The following DDX39B variants were observed in gnomAD, a reference collection of about 807,000 sequenced individuals.
DDX39B encodes the protein DExD-box helicase 39B.
A neutral mutation model predicts 46.4 loss-of-function variants in DDX39B; 6 were observed. The ratio of observed to expected loss-of-function variants is 0.13; its 90% CI spans 0.07 to 0.26. The LOEUF (loss-of-function observed/expected upper bound fraction) is 0.26. Among genes scored for constraint, DDX39B ranks in the 10% least tolerant of loss-of-function variants. DDX39B has a pLI of 1.00. For missense variants in DDX39B, 185 were observed against 553.4 expected, an observed-to-expected ratio of 0.33 and a Z score of 6.68; for synonymous variants, 174 against 199.4, an observed-to-expected ratio of 0.87 and a Z score of 1.07.
intron 6 of DDX39B, 44 bp from the exon 7 acceptor site, chr6:31,532,955 G>T (rs778246801): frequency 1.2e-5 from 4 of 320,612 alleles, no homozygotes; most frequent in Admixed American, 4.3e-5. Context: ...AGGGCAGAGT[G>T]GGGGGGTTAA....
In DDX39B at chr6:31,531,189, C is replaced by T. The variant is rs777307555; in HGVS notation, c.986G>A (p.Arg329Gln). The T allele has an allele frequency of 1.2e-6, 2 of 1,614,176 alleles. No individual in the cohort carries two copies. Among genetic ancestry groups the T allele is most frequent in the Admixed American group, 1.7e-5 (1 of 60,018 alleles). The change falls in exon 9 of 11, where the codon CGG becomes CAG. Residue 329 changes from arginine (R) to glutamine (Q), a missense_variant. Physicochemically the swap from Arg to Gln is conservative, Grantham distance 43. This residue lies in a region of DDX39B where 110 missense variants were observed against 282.2 expected (regional missense o/e 0.39). Coordinates refer to ENST00000396172, the MANE Select transcript of DDX39B (RefSeq NM_004640.7). This position sits in a 1 kb window ranked among gnomAD's most constrained non-coding sequence, Gnocchi z 5.8. ...TTGAAAATCTTTAAACTGCTGATAC[C>T]GAGAAAGCCTTTGTGAGAAAGGAAA... ...RGMPQEERLS[R>Q]YQQFKDFQRR...
In DDX39B at chr6:31,531,577, C is replaced by T. The variant is rs3130056; in HGVS notation, c.868-172G>A. 547,406 of 650,166 alleles carry T rather than the reference C, an allele frequency of 0.84. 231,341 individuals carry two copies. The highest frequency in any genetic ancestry group is 0.93 in the South Asian group (43,525 of 46,984). The allele number at this position is 650,166 out of a possible 1,614,324, so 40.3% of individuals were successfully genotyped here. A position where few individuals can be genotyped will look rare whatever the true frequency, so the allele number is the denominator to read the frequency against. Reference sequence around the variant, plus strand: ...GAGCAGAAAAGGAAATATAACTTTACTTCAGCACTGATTTTTCCCTAAGGA... The same window carrying T: ...GAGCAGAAAAGGAAATATAACTTTATTTCAGCACTGATTTTTCCCTAAGGA... On this transcript the variant is annotated intron_variant, in intron 7 of 10. Transcript: ENST00000396172. This position sits in a 1 kb window ranked among gnomAD's most constrained non-coding sequence, Gnocchi z 5.8.
chr6:31,536,305 A>C (rs1767775080), intron 5 of DDX39B, 195 bp downstream of exon 5: 1 of 827,474 alleles, frequency 1.2e-6, no homozygotes, highest in African/African-American at 1.7e-5. Flanking sequence ...AACAAAAATC[A>C]TAGAAAGATG....
In DDX39B at chr6:31,531,349, C is replaced by T. The variant is rs143114409; in HGVS notation, c.924G>A (p.Val308=). Residue 308 remains valine, a synonymous_variant, in exon 8 of 11, where the codon GTG becomes GTA. Coordinates refer to ENST00000396172, the MANE Select transcript of DDX39B (RefSeq NM_004640.7). The surrounding 1 kb of genome is among the most constrained non-coding windows in gnomAD (Gnocchi z 5.8). Reference sequence around the variant, plus strand: ...TGGCAATGGCTGGGAAGTTCTGCTCCACTAGTAGCTGGGCCAAGGCAATGC... The same window carrying T: ...TGGCAATGGCTGGGAAGTTCTGCTCTACTAGTAGCTGGGCCAAGGCAATGC... ...QRCIALAQLL[V]EQNFPAIAIH... 64 of 1,613,994 alleles carry T rather than the reference C, an allele frequency of 4.0e-5. No homozygotes were observed. The African/African-American group carries it at 7.1e-4, about 18-fold the overall frequency.
chr6:31,539,394 T>A (rs1388791776), intron 2 of DDX39B, 120 bp from the exon 3 acceptor site: 4 of 1,428,128 alleles, frequency 2.8e-6, no homozygotes, highest in Non-Finnish European at 3.8e-6. Flanking sequence ...TTTACCTGGT[T>A]CTTGCCAACT....
intron 7 of DDX39B, 112 bp downstream of exon 7, chr6:31,532,668 T>G: frequency 7.2e-7 from 1 of 1,393,694 alleles, no homozygotes; most frequent in Non-Finnish European, 9.9e-7. Flanking sequence ...CCCTCATTAT[T>G]CTCTCCCACA....
rs1258983747 is a variant in DDX39B, at chr6:31,534,316, A to G, written c.735+1051T>C. ...CCCAGCCAAGGCAGGCTTTCTAAAG[A>G]GAAGTTCCATGGCCTCCTTCAAATC... is the stretch of plus-strand genomic sequence containing the variant. On this transcript the variant is annotated intron_variant, in intron 6 of 10. Coordinates refer to ENST00000396172, the MANE Select transcript of DDX39B (RefSeq NM_004640.7). This position sits in a 1 kb window ranked among gnomAD's most constrained non-coding sequence, Gnocchi z 5.1. 3.1e-6 allele frequency: 1 copy of G among 327,286 alleles called. No individual in the cohort carries two copies. Among genetic ancestry groups the G allele is most frequent in the Non-Finnish European group, 6.4e-6 (1 of 156,524 alleles). The allele number at this position is 327,286 out of a possible 1,614,324, so 20.3% of individuals were successfully genotyped here.
In DDX39B at chr6:31,531,448, G is replaced by A. The variant is rs1215954669; in HGVS notation, c.868-43C>T. 1.9e-6 allele frequency: 3 copies of A among 1,572,430 alleles called. No homozygotes were observed. Among genetic ancestry groups the A allele is most frequent in the East Asian group, 2.2e-5 (1 of 44,560 alleles). ...GGGGGGTCGCAAATTGGGGGAATAG[G>A]GGTCCATGGTGTGTGAGAGACATTA... On this transcript the variant is annotated intron_variant, in intron 7 of 10. Coordinates refer to ENST00000396172, the MANE Select transcript of DDX39B (RefSeq NM_004640.7). This position sits in a 1 kb window ranked among gnomAD's most constrained non-coding sequence, Gnocchi z 5.8.
intron 1 of DDX39B, chr6:31,540,964 AGAT>A (rs1222008391): frequency 2.4e-6 from 1 of 420,594 alleles, no homozygotes; most frequent in African/African-American, 2.0e-5. Context: ...GAAATAGAAT[AGAT>A]AATAAAAGGT....
In DDX39B at chr6:31,530,630, A is replaced by G. The variant is rs1425695201; in HGVS notation, c.1270+149T>C. The G allele has an allele frequency of 3.8e-6, 5 of 1,323,958 alleles. No homozygotes were observed. The highest frequency in any genetic ancestry group is 4.7e-5 in the East Asian group (2 of 42,372). The allele number at this position is 1,323,958 out of a possible 1,614,324, so 82.0% of individuals were successfully genotyped here. On this transcript the variant is annotated intron_variant, in intron 10 of 10. Coordinates refer to ENST00000396172, the MANE Select transcript of DDX39B (RefSeq NM_004640.7). The surrounding 1 kb of genome is among the most constrained non-coding windows in gnomAD (Gnocchi z 4.5). ...GACACCCCACATAAAGGTCAGAAAA[A>G]CATCCCAACACAGCATCAAAGACCA...
Position 31,530,587 on chromosome 6 carries a change from T to C in DDX39B, c.1271-137A>G. The C allele has an allele frequency of 7.7e-7, 1 of 1,304,350 alleles. No homozygotes were observed. The highest frequency in any genetic ancestry group is 2.4e-5 in the East Asian group (1 of 41,196). The allele number at this position is 1,304,350 out of a possible 1,614,324, so 80.8% of individuals were successfully genotyped here. On this transcript the variant is annotated intron_variant, in intron 10 of 10. Coordinates refer to ENST00000396172, the MANE Select transcript of DDX39B (RefSeq NM_004640.7). This position sits in a 1 kb window ranked among gnomAD's most constrained non-coding sequence, Gnocchi z 4.5. ...CGTGGGGGTGAGGGAAGGGATGTAA[T>C]ATGATGAGAGAAGACAAGACACCCC...
rs778285652 is a variant in DDX39B at position 31,531,566 on chromosome 6, A to T, written c.868-161T>A. 1 of 674,782 alleles carries T rather than the reference A, an allele frequency of 1.5e-6. No individual in the cohort carries two copies. Among genetic ancestry groups the T allele is most frequent in the Non-Finnish European group, 2.5e-6 (1 of 399,878 alleles). 41.8% of individuals were successfully genotyped at this position (674,782 alleles called of 1,614,324 possible). A position where few individuals can be genotyped will look rare whatever the true frequency, so the allele number is the denominator to read the frequency against. ...CTATATATTTAGAGCAGAAAAGGAA[A>T]TATAACTTTACTTCAGCACTGATTT... On this transcript the variant is annotated intron_variant, in intron 7 of 10. Coordinates refer to ENST00000396172, the MANE Select transcript of DDX39B (RefSeq NM_004640.7). The surrounding 1 kb of genome is among the most constrained non-coding windows in gnomAD (Gnocchi z 5.8).
At position 31,539,281 on chromosome 6, in the gene DDX39B, G is replaced by A; in HGVS notation, c.212-7C>T. Reference sequence around the variant, plus strand: ...GGGATGCACTCATGCTGGACTAAAAGTTGGGGGGGGAGGAAGATAAATTAG... The same window carrying A: ...GGGATGCACTCATGCTGGACTAAAAATTGGGGGGGGAGGAAGATAAATTAG... On this transcript the variant is annotated splice_polypyrimidine_tract_variant and splice_region_variant and intron_variant, in intron 2 of 10. Transcript: ENST00000396172. 6.2e-7 allele frequency: 1 copy of A among 1,608,326 alleles called. No individual in the cohort carries two copies. The highest frequency in any genetic ancestry group is 8.5e-7 in the Non-Finnish European group (1 of 1,176,076).
At chr6:31,538,685 AG>A (rs1768056238) in intron 4 of DDX39B, 77 bp downstream of exon 4, 1 of 1,316,556 alleles carries the variant, frequency 7.6e-7, no homozygotes, top group Non-Finnish European at 1.0e-6. Flanking sequence ...CCAAAATTAA[AG>A]AGACTATTGG....
At position 31,534,159 on chromosome 6, in the gene DDX39B, G is replaced by A. The variant is rs758799280; in HGVS notation, c.735+1208C>T. On this transcript the variant is annotated intron_variant, in intron 6 of 10. Coordinates refer to ENST00000396172, the MANE Select transcript of DDX39B (RefSeq NM_004640.7). The surrounding 1 kb of genome is among the most constrained non-coding windows in gnomAD (Gnocchi z 5.1). The stretch of plus-strand genomic sequence containing the variant: ...CAAGTAGCTGGGACTACAGGCATGC[G>A]CCACCACGCCCGGTTTTTCTGGTAG... 3.3e-4 allele frequency: 61 copies of A among 182,556 alleles called. No individual in the cohort carries two copies. In the Middle Eastern group the frequency reaches 7.4e-3, roughly 22 times the overall value. The allele number at this position is 182,556 out of a possible 1,614,324, so 11.3% of individuals were successfully genotyped here.
At chr6:31,539,392 G>T in intron 2 of DDX39B, 118 bp from the exon 3 acceptor site, 1 of 1,443,790 alleles carries the variant, frequency 6.9e-7, no homozygotes, top group Non-Finnish European at 9.3e-7. Context: ...TATTTACCTG[G>T]TTCTTGCCAA....
intron 1 of DDX39B, chr6:31,541,167 ACAT>A (rs766454623): frequency 2.6e-5 from 14 of 533,692 alleles, no homozygotes; most frequent in African/African-American, 2.1e-4. Context: ...CGAAAAGAAA[ACAT>A]CATATGGCCG....
rs1468789819 is a variant in DDX39B at position 31,530,864 on chromosome 6, A to T, written c.1185T>A (p.Asn395Lys). Reference sequence around the variant, plus strand: ...GCACATCATTGAGGATCTTGGCATCATTCTCATCGGACACAAATGTGATAG... The same window carrying T: ...GCACATCATTGAGGATCTTGGCATCTTTCTCATCGGACACAAATGTGATAG... ...GLAITFVSDE[N>K]DAKILNDVQD... Residue 395 changes from asparagine (N) to lysine (K), a missense_variant, in exon 10 of 11, where the codon AAT (asparagine) becomes AAA (lysine). Transcript: ENST00000396172. This position sits in a 1 kb window ranked among gnomAD's most constrained non-coding sequence, Gnocchi z 4.5. The T allele has an allele frequency of 6.2e-7, 1 of 1,614,130 alleles. No individual in the cohort carries two copies. The highest frequency in any genetic ancestry group is 1.6e-4 in the Middle Eastern group (1 of 6,062).
Position 31,534,640 on chromosome 6 carries a change from GAA to G in DDX39B, c.735+725_735+726del. 2 of 366,532 alleles carry G rather than the reference GAA, an allele frequency of 5.5e-6. No individual in the cohort carries two copies. The highest frequency in any genetic ancestry group is 1.1e-5 in the Non-Finnish European group (2 of 185,214). 22.7% of individuals were successfully genotyped at this position (366,532 alleles called of 1,614,324 possible). On this transcript the variant is annotated intron_variant, in intron 6 of 10. Coordinates refer to ENST00000396172, the MANE Select transcript of DDX39B (RefSeq NM_004640.7). The surrounding 1 kb of genome is among the most constrained non-coding windows in gnomAD (Gnocchi z 5.1). The stretch of plus-strand genomic sequence containing the variant: ...GGGTTCAGGAAAAAAACCGGGAACG[GAA>G]AAAGAGGCTGGTTTGGTCCTCAGCT...
Sources: allele counts gnomAD v4.1 joint callset, GRCh38; gene constraint gnomAD v4.1.1; regional missense constraint gnomAD v4.1.1; non-coding constraint Gnocchi (gnomAD v3.1); transcripts MANE v1.5; gene names NCBI Gene and HGNC (gene_info 2026-07-23, HGNC 2026-07-21).